The following CDA variants were observed in gnomAD, a reference collection of about 807,000 sequenced individuals.
CDA encodes the protein cytidine deaminase.
CDA carries 7 observed loss-of-function variants against 15.0 expected under a neutral mutation model. The observed-to-expected ratio is 0.47, with a 90% CI of 0.26 to 0.87. The LOEUF (loss-of-function observed/expected upper bound fraction) is 0.87, where lower values mean the gene tolerates loss of function less well. Among genes scored for constraint, CDA ranks in the 40% least tolerant of loss-of-function variants. The pLI, the probability that CDA is intolerant of heterozygous loss-of-function variation, is 0.15. For synonymous variants in CDA, 58 were observed against 73.0 expected, an observed-to-expected ratio of 0.79 and a Z score of 1.05; for missense variants, 159 against 182.7, an observed-to-expected ratio of 0.87 and a Z score of 0.75.
chr1:20,610,494 T>C (rs1481783219), intron 2 of CDA, among the ~76,000 whole-genome samples: 1 of 151,854 alleles, frequency 6.6e-6, no homozygotes, highest in African/African-American at 2.4e-5. Flanking sequence ...AGAGACAGGG[T>C]TTCACCATGT....
At chr1:20,598,377 A>G (rs2052608188) in intron 1 of CDA, among the ~76,000 whole-genome samples, 1 of 152,226 alleles carries the variant, frequency 6.6e-6, no homozygotes, top group Non-Finnish European at 1.5e-5. Context: ...GGTCCTCACT[A>G]GACACCAACT....
chr1:20,616,172 C>T (rs1161867857), intron 3 of CDA, among the ~76,000 whole-genome samples: 1 of 152,182 alleles, frequency 6.6e-6, no homozygotes, highest in African/African-American at 2.4e-5. Flanking sequence ...GCCCATCAGG[C>T]TGACTCTGAA....
At chr1:20,600,173 C>T (rs1413174355) in intron 1 of CDA, among the ~76,000 whole-genome samples, 2 of 152,198 alleles carry the variant, frequency 1.3e-5, no homozygotes, top group Admixed American at 1.3e-4. Context: ...AGAGCAGACA[C>T]ATGTGACCAT....
At chr1:20,590,254 C>G (rs1218992378) in intron 1 of CDA, among the ~76,000 whole-genome samples, 1 of 152,156 alleles carries the variant, frequency 6.6e-6, no homozygotes, top group Non-Finnish European at 1.5e-5. Context: ...CCCTGCAACC[C>G]TGAAAGGCAG....
chr1:20,591,853 T>G (rs1052341190), intron 1 of CDA, among the ~76,000 whole-genome samples: 2 of 151,102 alleles, frequency 1.3e-5, no homozygotes. Context: ...TTTTTTGTTT[T>G]TTTTTTTTGA....
chr1:20,607,103 C>T (rs12036993), intron 2 of CDA, among the ~76,000 whole-genome samples: 47,675 of 152,124 alleles, frequency 0.31, 7,681 homozygotes, highest in Non-Finnish European at 0.33. Context: ...GGTAGAGCTA[C>T]AGCACCTTTC....
chr1:20,589,434 T>G (rs2052528591), intron 1 of CDA, 151 bp downstream of exon 1: 1 of 771,802 alleles, frequency 1.3e-6, no homozygotes, highest in Admixed American at 2.3e-5. Flanking sequence ...GTTCCTACCC[T>G]GCCGACTGCC....
chr1:20,609,837 C>A (rs2052730530), intron 2 of CDA, among the ~76,000 whole-genome samples: 1 of 152,196 alleles, frequency 6.6e-6, no homozygotes, highest in South Asian at 2.1e-4. Flanking sequence ...GCATCCTGGG[C>A]AGGAGTCCCC....
chr1:20,608,386 A>G (rs961983428), intron 2 of CDA, among the ~76,000 whole-genome samples: 1 of 57,872 alleles, frequency 1.7e-5, no homozygotes, highest in African/African-American at 6.3e-5. Flanking sequence ...CATTCAAACT[A>G]TTATATAGTT....
intron 1 of CDA, among the ~76,000 whole-genome samples, chr1:20,593,409 C>T (rs900824047): frequency 1.3e-5 from 2 of 152,164 alleles, no homozygotes; most frequent in East Asian, 1.9e-4. Context: ...AGAACCAGAG[C>T]GGGCAAGGGT....
chr1:20,613,730 T>C (rs2052775382), intron 2 of CDA, 112 bp from the exon 3 acceptor site: 1 of 974,282 alleles, frequency 1.0e-6, no homozygotes, highest in Non-Finnish European at 1.6e-6. Flanking sequence ...AGGAACTGCC[T>C]GATGGGGTAT....
intron 2 of CDA, among the ~76,000 whole-genome samples, chr1:20,612,614 C>G (rs1048678722): frequency 1.3e-5 from 2 of 152,168 alleles, no homozygotes; most frequent in Admixed American, 1.3e-4. Flanking sequence ...ACTCTCTTTG[C>G]AGACTCAGCC....
chr1:20,596,497 C>T (rs1220975060), intron 1 of CDA, among the ~76,000 whole-genome samples: 1 of 152,102 alleles, frequency 6.6e-6, no homozygotes, highest in Non-Finnish European at 1.5e-5. Flanking sequence ...AGGAGGATTG[C>T]TTGAGTCCAG....
rs2052769645 is a variant in CDA, at chr1:20,613,204, CA to C, written c.267-636del. 1.8e-5 allele frequency among the ~76,000 whole-genome samples: 2 copies of C among 108,344 alleles called. 1 individual carries two copies. Among genetic ancestry groups the C allele is most frequent in the South Asian group, 5.4e-4 (2 of 3,730 alleles). The allele number at this position is 108,344 out of a possible 152,430, so 71.1% of individuals were successfully genotyped here. ...TCCCTCATACTGTGTGTTCCTTCTGCAATTTTTTTTTTTTTTGAGAAGGATT... is the reference window on the plus strand; with the variant it reads ...TCCCTCATACTGTGTGTTCCTTCTGCATTTTTTTTTTTTTTGAGAAGGATT... On this transcript the variant is annotated intron_variant, in intron 2 of 3. Transcript: ENST00000375071.
At chr1:20,612,464 G>T (rs975908287) in intron 2 of CDA, among the ~76,000 whole-genome samples, 15 of 140,084 alleles carry the variant, frequency 1.1e-4, no homozygotes. Flanking sequence ...CCCCACCACC[G>T]ACAATGAGTC....
intron 1 of CDA, among the ~76,000 whole-genome samples, chr1:20,593,633 G>A (rs1201374778): frequency 2.0e-5 from 3 of 152,182 alleles, no homozygotes; most frequent in Admixed American, 2.0e-4. Context: ...GAAGTACAGT[G>A]GCGCGAGCCT....
intron 3 of CDA, 68 bp downstream of exon 3, chr1:20,613,967 A>C: frequency 1.4e-6 from 2 of 1,433,998 alleles, no homozygotes; most frequent in Admixed American, 1.7e-5. Flanking sequence ...GAGCCACGCC[A>C]AGTTGCAGGC....
At chr1:20,609,084 A>G (rs762134617) in intron 2 of CDA, among the ~76,000 whole-genome samples, 7 of 152,126 alleles carry the variant, frequency 4.6e-5, no homozygotes, top group Admixed American at 3.9e-4. Context: ...GCCTACACCA[A>G]ATCTACCTTC....
At chr1:20,612,367 TG>T (rs2052759489) in intron 2 of CDA, among the ~76,000 whole-genome samples, 1 of 152,104 alleles carries the variant, frequency 6.6e-6, no homozygotes, top group African/African-American at 2.4e-5. Context: ...CTGGAGCAAC[TG>T]AAGAACCACA....
Sources: allele counts gnomAD v4.1 joint callset (sites outside exome capture counted in the v4.1 genomes callset), GRCh38; gene constraint gnomAD v4.1.1; transcripts MANE v1.5; gene names NCBI Gene and HGNC (gene_info 2026-07-23, HGNC 2026-07-21).